The following ERN2 variants were observed in gnomAD, a reference collection of about 807,000 sequenced individuals.
ERN2 encodes the protein endoplasmic reticulum to nucleus signaling 2, also known as serine/threonine-protein kinase/endoribonuclease IRE2.
ERN2 carries 111 observed loss-of-function variants against 107.9 expected under a neutral mutation model. The ratio of observed to expected loss-of-function variants is 1.03; its 90% confidence interval spans 0.88 to 1.20. The LOEUF is 1.20. Among genes scored for constraint, ERN2 ranks in the 50% most tolerant of loss-of-function variants. ERN2 has a pLI of 0.00. For missense variants in ERN2, 1,225 were observed against 1,197.9 expected (o/e 1.02, Z -0.33); for synonymous variants, 524 against 501.7 (o/e 1.04, Z -0.59).
chr16:23,693,984 T>TTTTG (rs778722955), intron 17 of ERN2, among the ~76,000 whole-genome samples: 164 of 151,482 alleles, frequency 1.1e-3, no homozygotes, highest in African/African-American at 3.7e-3. Context: ...GGGCCTGGGG[T>TTTTG]TTTGTTTGTT....
Position 23,690,963 on chromosome 16 carries a change from T to G in ERN2, c.2649A>C (p.Thr883=), listed in dbSNP as rs759195387. 12 of 1,613,998 alleles carry G rather than the reference T, an allele frequency of 7.4e-6. No individual in the cohort carries two copies. The African/African-American group carries it at 1.6e-4, about 22-fold the overall frequency. ...QVPDGFVQYF[T]NRFPRLLLHT... The stretch of plus-strand genomic sequence containing the variant: ...GGAGGAGCAGCCGTGGGAAGCGGTT[T>G]GTGAAGTACTGGACGAAGCCATCAG... Residue 883 remains threonine, a synonymous_variant, in exon 22 of 22, where the codon ACA becomes ACC. Transcript: ENST00000256797.
At chr16:23,702,826 C>T in intron 8 of ERN2, 124 bp from the exon 9 acceptor site, 1 of 826,986 alleles carries the variant, frequency 1.2e-6, no homozygotes, top group Non-Finnish European at 2.0e-6. Context: ...ATGAGACTTG[C>T]TTTAATCAAT....
At position 23,713,096 on chromosome 16, in the gene ERN2, T is replaced by C. The variant is rs1313282622; in HGVS notation, c.92A>G (p.Gln31Arg). The part of the protein sequence containing the change: ...AALLLGTLSP[Q>R]VHTLRPENLL... ...TTGGCGTCGGTCCCTGGCTCTCACC[T>C]GTGGACTCAGCGTCCCGAGCAGCAG... The change falls in exon 1 of 22, where the codon CAG becomes CGG. Residue 31 changes from glutamine to arginine, a missense_variant and splice_region_variant. Transcript: ENST00000256797. 1 of 1,574,622 alleles carries C rather than the reference T, an allele frequency of 6.4e-7. No individual in the cohort carries two copies. Among genetic ancestry groups the C allele is most frequent in the Admixed American group, 1.8e-5 (1 of 56,472 alleles).
chr16:23,698,839 T>C (rs152449), intron 13 of ERN2, among the ~76,000 whole-genome samples: 61,389 of 152,044 alleles, frequency 0.4, 14,985 homozygotes, highest in African/African-American at 0.69. Context: ...CCCCCTGCCT[T>C]GGCCTCCCAA....
In ERN2 at chr16:23,695,300, T is replaced by C. The variant is rs757458446; in HGVS notation, c.1700A>G (p.Glu567Gly). ...GAGCACGTTGGGGTGCCTGTCAGAC[T>C]CCTGCAGCAGTTGAACTTCCCGCCG... Reference protein sequence around the residue: ...LVRREVQLLQESDRHPNVLRY... With the variant: ...LVRREVQLLQGSDRHPNVLRY... The change falls in exon 15 of 22, where the codon GAG becomes GGG. Residue 567 changes from glutamate to glycine, a missense_variant. Physicochemically the swap from Glu to Gly is moderately conservative, Grantham distance 98 (BLOSUM62 -2). Transcript: ENST00000256797. The C allele has an allele frequency of 1.1e-5, 18 of 1,613,778 alleles. No individual in the cohort carries two copies. The highest frequency in any genetic ancestry group is 5.0e-5 in the Admixed American group (3 of 59,972).
intron 13 of ERN2, among the ~76,000 whole-genome samples, chr16:23,697,466 G>A (rs1959877092): frequency 6.6e-6 from 1 of 152,144 alleles, no homozygotes; most frequent in Non-Finnish European, 1.5e-5. Context: ...GACTGCAGGT[G>A]ACAGTCACCC....
chr16:23,691,054 G>A lies in ERN2; in HGVS notation c.2569-11C>T, dbSNP rs763687273. 1 of 1,613,966 alleles carries A rather than the reference G, an allele frequency of 6.2e-7. No homozygotes were observed. Among genetic ancestry groups the A allele is most frequent in the East Asian group, 2.2e-5 (1 of 44,888 alleles). On this transcript the variant is annotated splice_polypyrimidine_tract_variant and intron_variant, in intron 21 of 21. Transcript: ENST00000256797. ...CCTGTAGTGGTGCTTCTGTGGGTAG[G>A]TAGAGCAGAGAACCCTGGCTCAGCT...
In ERN2 at chr16:23,694,891, G is replaced by A. The variant is rs1222977013; in HGVS notation, c.1937C>T (p.Thr646Ile). ...RDLKPGNILITGPDSQGLGRV... is the reference protein window; with the variant it reads ...RDLKPGNILIIGPDSQGLGRV... Reference sequence around the variant, plus strand: ...GCCCAGGCCCTGGCTGTCAGGCCCGGTGATGAGAATATTTCCTGGCTTCAG... The same window carrying A: ...GCCCAGGCCCTGGCTGTCAGGCCCGATGATGAGAATATTTCCTGGCTTCAG... The change falls in exon 17 of 22, where the codon ACC becomes ATC. Residue 646 changes from threonine (T) to isoleucine (I), a missense_variant. By Grantham distance (89) the Thr-to-Ile change is moderately conservative. Coordinates refer to ENST00000256797, the MANE Select transcript of ERN2 (RefSeq NM_033266.4). 6.2e-7 allele frequency: 1 copy of A among 1,614,142 alleles called. No individual in the cohort carries two copies. The highest frequency in any genetic ancestry group is 8.5e-7 in the Non-Finnish European group (1 of 1,180,060).
At chr16:23,704,249 C>A (rs138555980) in intron 8 of ERN2, among the ~76,000 whole-genome samples, 1 of 152,268 alleles carries the variant, frequency 6.6e-6, no homozygotes, top group East Asian at 1.9e-4. Context: ...ACCTACCAAC[C>A]AGAACAGGTT....
rs1461998832 is a variant in ERN2 at position 23,702,420 on chromosome 16, C to T, written c.1051G>A (p.Val351Met). The change falls in exon 10 of 22, where the codon GTG becomes ATG. Residue 351 changes from valine to methionine, a missense_variant. Physicochemically the swap from Val to Met is conservative, Grantham distance 21. Coordinates refer to ENST00000256797, the MANE Select transcript of ERN2 (RefSeq NM_033266.4). ...AGCAGCCACTGGCTTGGGAGGGCCA[C>T]ACTGCCTGAGGGGTATCTAACAGCA... ...STAVRYPSGS[V>M]ALPSQWLLIG... 4 of 1,613,566 alleles carry T rather than the reference C, an allele frequency of 2.5e-6. No homozygotes were observed. The highest frequency in any genetic ancestry group is 3.4e-6 in the Non-Finnish European group (4 of 1,179,992).
In ERN2 at chr16:23,713,128, G is replaced by A. The variant is rs779787578; in HGVS notation, c.60C>T (p.Phe20=). 5 of 1,575,904 alleles carry A rather than the reference G, an allele frequency of 3.2e-6. No homozygotes were observed. In the East Asian group the frequency reaches 9.4e-5, roughly 29 times the overall value. Residue 20 remains phenylalanine, a synonymous_variant, in exon 1 of 22, where the codon TTC becomes TTT. Coordinates refer to ENST00000256797, the MANE Select transcript of ERN2 (RefSeq NM_033266.4). ...TCAGCGTCCCGAGCAGCAGCGCCGC[G>A]AACTGGAGCTGGAGCCCCAGCCGGG... ...PWPRLGLQLQ[F]AALLLGTLSP... is the part of the protein sequence containing the mutation.
At chr16:23,712,923 C>T (rs1041119624) in intron 1 of ERN2, 172 bp downstream of exon 1, 5 of 552,162 alleles carry the variant, frequency 9.1e-6, no homozygotes, top group Non-Finnish European at 1.6e-5. Flanking sequence ...CAACTGGCGG[C>T]TCCCCAAACC....
At chr16:23,695,586 C>G (rs34617223) in intron 14 of ERN2, among the ~76,000 whole-genome samples, 197 bp from the exon 15 acceptor site, 19 of 151,854 alleles carry the variant, frequency 1.3e-4, no homozygotes, top group Non-Finnish European at 2.2e-4. Context: ...AAAAATTAGC[C>G]GGGCATGGTG....
Position 23,710,255 on chromosome 16 carries a change from G to T in ERN2, c.234-11C>A. 6.2e-7 allele frequency: 1 copy of T among 1,612,728 alleles called. No homozygotes were observed. Among genetic ancestry groups the T allele is most frequent in the South Asian group, 1.1e-5 (1 of 91,028 alleles). Reference sequence around the variant, plus strand: ...GAGAGAAAGGCCATTCTGTGGAGCAGAGAGAAACAAGGAGACCAATGGGTT... The same window carrying T: ...GAGAGAAAGGCCATTCTGTGGAGCATAGAGAAACAAGGAGACCAATGGGTT... On this transcript the variant is annotated splice_polypyrimidine_tract_variant and intron_variant, in intron 3 of 21. Transcript: ENST00000256797.
chr16:23,710,687 T>C, intron 2 of ERN2, 138 bp from the exon 3 acceptor site: 1 of 1,059,324 alleles, frequency 9.4e-7, no homozygotes. Flanking sequence ...CCAAAAACTC[T>C]GTCAGATAGG....
chr16:23,695,740 A>C (rs1959793169), intron 14 of ERN2, among the ~76,000 whole-genome samples, 154 bp downstream of exon 14: 1 of 151,332 alleles, frequency 6.6e-6, no homozygotes, highest in Non-Finnish European at 1.5e-5. Context: ...AAAAAAAAAA[A>C]AAAAAAACAG....
chr16:23,708,389 C>T (rs968896150), intron 4 of ERN2, among the ~76,000 whole-genome samples: 1 of 116,364 alleles, frequency 8.6e-6, no homozygotes, highest in Non-Finnish European at 1.6e-5. Flanking sequence ...CATGGTATCA[C>T]TCTGTTGTCC....
chr16:23,695,860 C>T, intron 14 of ERN2, 34 bp downstream of exon 14: 1 of 1,567,342 alleles, frequency 6.4e-7, no homozygotes, highest in Non-Finnish European at 8.8e-7. Context: ...CTGTGAGTGC[C>T]ATGTCCCCAG....
rs76205519 is a variant in ERN2 at position 23,705,089 on chromosome 16, G to A, written c.648C>T (p.Ser216=). Residue 216 remains serine, a synonymous_variant, in exon 8 of 22, where the codon AGC becomes AGT. Coordinates refer to ENST00000256797, the MANE Select transcript of ERN2 (RefSeq NM_033266.4). The part of the protein sequence containing the change: ...MGLLLTVDPG[S]GTVLWTQDLG... ...GGTCCTGTGTCCACAGCACCGTCCC[G>A]CTTCCTGGGTCCACAGTGAGCAGCA... 30 of 1,613,920 alleles carry A rather than the reference G, an allele frequency of 1.9e-5. No homozygotes were observed. The highest frequency in any genetic ancestry group is 1.6e-4 in the African/African-American group (12 of 75,046).
Sources: allele counts gnomAD v4.1 joint callset (sites outside exome capture counted in the v4.1 genomes callset), GRCh38; gene constraint gnomAD v4.1.1; transcripts MANE v1.5; gene names NCBI Gene and HGNC (gene_info 2026-07-23, HGNC 2026-07-21).